Variants in LPCAT2 observed in about 807,000 individuals in gnomAD.
The protein encoded by LPCAT2 is lysophosphatidylcholine acyltransferase 2.
In LPCAT2, 58 loss-of-function variants were observed where a neutral mutation model predicts 64.7. The observed-to-expected ratio is 0.90, with a 90% CI of 0.73 to 1.12. The LOEUF is 1.12. Ranked by LOEUF, LPCAT2 falls within the 50% of genes most tolerant of loss-of-function variation. The probability of loss-of-function intolerance (pLI) is 0.00; values close to 1 mark genes in which losing one functional copy is unlikely to be tolerated. For synonymous variants in LPCAT2, 252 were observed against 245.3 expected (o/e 1.03, Z -0.26); for missense variants, 579 against 669.8 (o/e 0.86, Z 1.50).
At chr16:55,512,723 C>G (rs1682988542) in intron 1 of LPCAT2, among the ~76,000 whole-genome samples, 1 of 152,146 alleles carries the variant, frequency 6.6e-6, no homozygotes, top group Admixed American at 6.5e-5. Flanking sequence ...AGAAACTGAG[C>G]AGACATTTCA....
chr16:55,534,361 A>T, intron 6 of LPCAT2, 82 bp from the exon 7 acceptor site: 1 of 816,822 alleles, frequency 1.2e-6, no homozygotes, highest in East Asian at 2.5e-5. Flanking sequence ...AAAATACATG[A>T]ATCCCCATAT....
Position 55,545,816 on chromosome 16 carries a change from G to C in LPCAT2, c.934G>C (p.Glu312Gln). 1 of 1,599,642 alleles carries C rather than the reference G, an allele frequency of 6.3e-7. No homozygotes were observed. The change falls in exon 9 of 14, where the codon GAA becomes CAA. Residue 312 changes from glutamate (E) to glutamine (Q), a missense_variant and splice_region_variant. Coordinates refer to ENST00000262134, the MANE Select transcript of LPCAT2 (RefSeq NM_017839.5). The stretch of plus-strand genomic sequence containing the variant: ...CAATAAAGTCCGGAATTTAATGGCA[G>C]AGTAAGTGTCTATATTTGATTATAA... ...FANKVRNLMA[E>Q]ALGIPVTDHT... is the part of the protein sequence containing the mutation.
chr16:55,574,031 T>C (rs1371545835), intron 11 of LPCAT2, among the ~76,000 whole-genome samples: 9 of 152,216 alleles, frequency 5.9e-5, no homozygotes, highest in African/African-American at 1.7e-4. Context: ...AGTTATGCTT[T>C]ATTTTCATTG....
At chr16:55,529,060 C>T (rs1963215668) in intron 3 of LPCAT2, among the ~76,000 whole-genome samples, 3 of 152,136 alleles carry the variant, frequency 2.0e-5, no homozygotes, top group Admixed American at 1.3e-4. Flanking sequence ...CTATGTGTAG[C>T]TCTTTGAAAA....
At chr16:55,522,797 CAAAA>C (rs1178505206) in intron 1 of LPCAT2, among the ~76,000 whole-genome samples, 2 of 150,764 alleles carry the variant, frequency 1.3e-5, no homozygotes, top group African/African-American at 2.4e-5. Context: ...GCATACCACA[CAAAA>C]AAAGTCATTT....
chr16:55,528,434 A>G lies in LPCAT2; in HGVS notation c.369A>G (p.Gly123=). The part of the protein sequence containing the change: ...FLGRAMFFSM[G]FIVAVKGKIA... The stretch of plus-strand genomic sequence containing the variant: ...GTCGTGCTATGTTCTTTTCAATGGG[A>G]TTTATAGTTGCTGTAAAAGGAAAGA... Residue 123 remains glycine, a synonymous_variant, in exon 3 of 14, where the codon GGA becomes GGG. Transcript: ENST00000262134. 5.0e-6 allele frequency: 8 copies of G among 1,613,928 alleles called. No homozygotes were observed. Among genetic ancestry groups the G allele is most frequent in the Non-Finnish European group, 6.8e-6 (8 of 1,179,916 alleles).
chr16:55,543,112 G>A (rs185252632), intron 8 of LPCAT2, among the ~76,000 whole-genome samples: 5 of 152,266 alleles, frequency 3.3e-5, no homozygotes, highest in African/African-American at 4.8e-5. Flanking sequence ...TAGAGGGCAA[G>A]GTCTTATTCT....
chr16:55,580,821 T>C (rs1489535175), intron 13 of LPCAT2, among the ~76,000 whole-genome samples: 1 of 112,590 alleles, frequency 8.9e-6, no homozygotes, highest in Non-Finnish European at 1.8e-5. Context: ...AGGCATTAGA[T>C]TCTCATAGGA....
intron 8 of LPCAT2, among the ~76,000 whole-genome samples, chr16:55,544,482 G>T (rs541488894): frequency 4.6e-4 from 70 of 152,148 alleles, no homozygotes; most frequent in Non-Finnish European, 8.7e-4. Context: ...TGTCATGTTT[G>T]TAGGGCTTAG....
chr16:55,537,292 G>A (rs1047236789), intron 7 of LPCAT2, among the ~76,000 whole-genome samples: 2 of 152,024 alleles, frequency 1.3e-5, no homozygotes, highest in Non-Finnish European at 2.9e-5. Flanking sequence ...TTGGGAGGCT[G>A]AGGTGGGAGG....
chr16:55,509,264 T>G lies in LPCAT2; in HGVS notation c.83T>G (p.Met28Arg). The G allele has an allele frequency of 2.0e-6, 3 of 1,506,580 alleles. No individual in the cohort carries two copies. In the South Asian group the frequency reaches 3.8e-5, roughly 19 times the overall value. The allele number at this position is 1,506,580 out of a possible 1,614,324, so 93.3% of individuals were successfully genotyped here. Residue 28 changes from methionine to arginine, a missense_variant, in exon 1 of 14, where the codon ATG becomes AGG. Transcript: ENST00000262134. ...GVGNVGLRPP[M>R]VPRQASFFPP... ...GGGAACGTGGGGCTGCGGCCGCCCA[T>G]GGTGCCCCGTCAGGCGTCCTTCTTC...
At chr16:55,556,853 G>T (rs145818650) in intron 11 of LPCAT2, 4 of 152,272 alleles carry the variant, frequency 2.6e-5, no homozygotes, top group Non-Finnish European at 5.9e-5. Context: ...ACTATAGGAG[G>T]ATTTGAGTGG....
chr16:55,553,756 G>T (rs1004396224), intron 11 of LPCAT2, among the ~76,000 whole-genome samples: 10 of 152,290 alleles, frequency 6.6e-5, no homozygotes, highest in Non-Finnish European at 1.3e-4. Context: ...TCCACCAGAA[G>T]AATCACTAGC....
Position 55,551,110 on chromosome 16 carries a change from A to T in LPCAT2, c.1215+8A>T. 1 of 1,602,274 alleles carries T rather than the reference A, an allele frequency of 6.2e-7. No individual in the cohort carries two copies. Among genetic ancestry groups the T allele is most frequent in the Non-Finnish European group, 8.5e-7 (1 of 1,173,144 alleles). On this transcript the variant is annotated splice_region_variant and intron_variant, in intron 11 of 13. Transcript: ENST00000262134. Reference sequence around the variant, plus strand: ...TTTGCACTCTTTGACAGGGTATGTTAAAATTTAATCTTTCACATTTTTACT... The same window carrying T: ...TTTGCACTCTTTGACAGGGTATGTTTAAATTTAATCTTTCACATTTTTACT...
chr16:55,511,352 G>A (rs1028894450), intron 1 of LPCAT2, among the ~76,000 whole-genome samples: 1 of 152,110 alleles, frequency 6.6e-6, no homozygotes, highest in Non-Finnish European at 1.5e-5. Flanking sequence ...TCTGGGTAAA[G>A]GGAAGATTTG....
At chr16:55,512,503 T>C (rs1324153079) in intron 1 of LPCAT2, among the ~76,000 whole-genome samples, 1 of 152,172 alleles carries the variant, frequency 6.6e-6, no homozygotes, top group East Asian at 1.9e-4. Context: ...CTCAGCCTTA[T>C]TGATTGACAT....
chr16:55,515,018 G>C (rs1962990098), intron 1 of LPCAT2, among the ~76,000 whole-genome samples: 1 of 151,812 alleles, frequency 6.6e-6, no homozygotes. Flanking sequence ...TATCTAGTTT[G>C]AGGAACATAA....
intron 1 of LPCAT2, among the ~76,000 whole-genome samples, chr16:55,512,344 C>A (rs116114412): frequency 0.018 from 2,812 of 152,218 alleles, 77 homozygotes; most frequent in African/African-American, 0.063. Context: ...AAAAACTACA[C>A]GAAGGCACTA....
chr16:55,542,035 C>A, intron 8 of LPCAT2: 1 of 1,037,888 alleles, frequency 9.6e-7, no homozygotes, highest in Non-Finnish European at 1.2e-6. Context: ...CATAATTCTT[C>A]AATCTTCCTC....
Sources: allele counts gnomAD v4.1 joint callset (sites outside exome capture counted in the v4.1 genomes callset), GRCh38; gene constraint gnomAD v4.1.1; transcripts MANE v1.5; gene names NCBI Gene and HGNC (gene_info 2026-07-23, HGNC 2026-07-21).